The following HEPACAM variants were observed in gnomAD, a reference collection of about 807,000 sequenced individuals.
The protein encoded by HEPACAM is hepatic and glial cell adhesion molecule, also known as hepatocyte cell adhesion molecule.
In HEPACAM, 18 loss-of-function variants were observed where a neutral mutation model predicts 38.3. The observed-to-expected ratio is 0.47, with a 90% CI of 0.33 to 0.70. HEPACAM has a LOEUF of 0.70. HEPACAM is among the 30% of genes least tolerant of loss of function. HEPACAM has a pLI of 0.03. For missense variants in HEPACAM, 466 were observed against 563.0 expected (o/e 0.83, Z 1.74); for synonymous variants, 216 against 243.1 (o/e 0.89, Z 1.04).
intron 1 of HEPACAM, among the ~76,000 whole-genome samples, chr11:124,935,176 G>A (rs866979054): frequency 5.3e-4 from 81 of 152,228 alleles, no homozygotes; most frequent in African/African-American, 1.6e-3. Flanking sequence ...CTTCCTGGAT[G>A]GGGTAGGTGA....
rs991362451 is a variant in HEPACAM, at chr11:124,920,934, C to G, written c.*204G>C. 1.5e-6 allele frequency: 2 copies of G among 1,352,926 alleles called. No homozygotes were observed. The highest frequency in any genetic ancestry group is 1.8e-5 in the South Asian group (1 of 55,614). The allele number at this position is 1,352,926 out of a possible 1,614,324, so 83.8% of individuals were successfully genotyped here. A position where few individuals can be genotyped will look rare whatever the true frequency, so the allele number is the denominator to read the frequency against. ...GCCAGTAAACCGGAAGCAAATGCGACCCGGTTTCACCATATCAACACTGCC... is the reference window on the plus strand; with the variant it reads ...GCCAGTAAACCGGAAGCAAATGCGAGCCGGTTTCACCATATCAACACTGCC... On this transcript the variant is annotated 3_prime_UTR_variant, in exon 7 of 7. Transcript: ENST00000298251.
Position 124,921,252 on chromosome 11 carries a change from G to C in HEPACAM, c.1137C>G (p.Pro379=). The C allele has an allele frequency of 2.1e-6, 3 of 1,433,830 alleles. No homozygotes were observed. The highest frequency in any genetic ancestry group is 2.7e-6 in the Non-Finnish European group (3 of 1,098,842). 88.8% of individuals were successfully genotyped at this position (1,433,830 alleles called of 1,614,324 possible). A position where few individuals can be genotyped will look rare whatever the true frequency, so the allele number is the denominator to read the frequency against. ...PATGRTHSSP[P]RAPSSPGRSR... The stretch of plus-strand genomic sequence containing the variant: ...AGCGGCCGGGCGAGCTCGGGGCCCT[G>C]GGCGGCGACGAGTGTGTCCGGCCGG... The change falls in exon 7 of 7, where the codon CCC becomes CCG. Residue 379 remains proline, a synonymous_variant. Coordinates refer to ENST00000298251, the MANE Select transcript of HEPACAM (RefSeq NM_152722.5). The surrounding 1 kb of genome is among the most constrained non-coding windows in gnomAD (Gnocchi z 4.6).
Position 124,920,159 on chromosome 11 carries a change from C to A in HEPACAM, c.*979G>T. 1 of 1,018,156 alleles carries A rather than the reference C, an allele frequency of 9.8e-7. No homozygotes were observed. The highest frequency in any genetic ancestry group is 1.4e-6 in the Non-Finnish European group (1 of 691,176). The allele number at this position is 1,018,156 out of a possible 1,614,324, so 63.1% of individuals were successfully genotyped here. ...GCCTCCTCCTCCCCCCACCATTTCT[C>A]TGGAGATTAGGACTTATTCTCACAG... is the stretch of plus-strand genomic sequence containing the variant. On this transcript the variant is annotated 3_prime_UTR_variant, in exon 7 of 7. Transcript: ENST00000298251.
intron 1 of HEPACAM, among the ~76,000 whole-genome samples, chr11:124,934,929 C>T (rs1440636681): frequency 6.6e-6 from 1 of 152,168 alleles, no homozygotes; most frequent in African/African-American, 2.4e-5. Context: ...TCTTGCCTCA[C>T]TCAATTCATG....
In HEPACAM at chr11:124,924,712, T is replaced by C; in HGVS notation, c.427+16A>G. On this transcript the variant is annotated intron_variant, in intron 2 of 6. Transcript: ENST00000298251. This position sits in a 1 kb window ranked among gnomAD's most constrained non-coding sequence, Gnocchi z 4.4. ...CACCTGCCAGTCTTGCCTCTTTCCCTGCCAGAGCGCTTTACCATCTACAGT... is the reference window on the plus strand; with the variant it reads ...CACCTGCCAGTCTTGCCTCTTTCCCCGCCAGAGCGCTTTACCATCTACAGT... 6.2e-7 allele frequency: 1 copy of C among 1,609,132 alleles called. No individual in the cohort carries two copies. Among genetic ancestry groups the C allele is most frequent in the Non-Finnish European group, 8.5e-7 (1 of 1,175,496 alleles).
Position 124,924,655 on chromosome 11 carries a change from G to C in HEPACAM, c.427+73C>G. 2 of 1,380,802 alleles carry C rather than the reference G, an allele frequency of 1.4e-6. No homozygotes were observed. The highest frequency in any genetic ancestry group is 2.1e-6 in the Non-Finnish European group (2 of 969,802). 85.5% of individuals were successfully genotyped at this position (1,380,802 alleles called of 1,614,324 possible). A position where few individuals can be genotyped will look rare whatever the true frequency, so the allele number is the denominator to read the frequency against. ...TTTGGGTTGGTTTTCCCTCAGTCTAGCTGGTGCGCTGGGCAGACCTTTCCC... is the reference window on the plus strand; with the variant it reads ...TTTGGGTTGGTTTTCCCTCAGTCTACCTGGTGCGCTGGGCAGACCTTTCCC... On this transcript the variant is annotated intron_variant, in intron 2 of 6. Transcript: ENST00000298251. The surrounding 1 kb of genome is among the most constrained non-coding windows in gnomAD (Gnocchi z 4.4).
rs747711285 is a variant in HEPACAM at position 124,936,017 on chromosome 11, G to A, written c.-11C>T. On this transcript the variant is annotated 5_prime_UTR_variant, in exon 1 of 7. It adds an upstream start codon to the 5' untranslated region. Coordinates refer to ENST00000298251, the MANE Select transcript of HEPACAM (RefSeq NM_152722.5). ...CCTTTCTCTCTTCATTTTGGGTGGC[G>A]TTCTCCAGCTCTAGTGCAGACAATT... 1.7e-5 allele frequency: 28 copies of A among 1,612,270 alleles called. No homozygotes were observed. Among genetic ancestry groups the A allele is most frequent in the East Asian group, 6.7e-5 (3 of 44,870 alleles).
At position 124,924,085 on chromosome 11, in the gene HEPACAM, C is replaced by T; in HGVS notation, c.428-75G>A. On this transcript the variant is annotated intron_variant, in intron 2 of 6. Transcript: ENST00000298251. This position sits in a 1 kb window ranked among gnomAD's most constrained non-coding sequence, Gnocchi z 4.4. ...TCCCTTCCCCTTTTTAGCTCCCTGC[C>T]TTCCAACACACCTTTAACACTACCT... is the stretch of plus-strand genomic sequence containing the variant. 1 of 1,396,740 alleles carries T rather than the reference C, an allele frequency of 7.2e-7. No homozygotes were observed. Among genetic ancestry groups the T allele is most frequent in the Non-Finnish European group, 9.8e-7 (1 of 1,018,718 alleles). 86.5% of individuals were successfully genotyped at this position (1,396,740 alleles called of 1,614,324 possible). A position where few individuals can be genotyped will look rare whatever the true frequency, so the allele number is the denominator to read the frequency against.
chr11:124,927,523 G>GTTTTTTTTTTTTTTTTTT (rs1019070666), intron 1 of HEPACAM, among the ~76,000 whole-genome samples: 2 of 97,584 alleles, frequency 2.0e-5, no homozygotes, highest in Admixed American at 1.2e-4. Flanking sequence ...TTTTTTTTTT[G>GTTTTTTTTTTTTTTTTTT]TTTTTTTTTT....
rs139761571 is a variant in HEPACAM at position 124,932,459 on chromosome 11, G to A, written c.85+3463C>T. Among the ~76,000 whole-genome samples the A allele has an allele frequency of 8.0e-3, 1,214 of 152,226 alleles. 12 individuals are homozygous for A. Among genetic ancestry groups the A allele is most frequent in the Middle Eastern group, 0.02 (6 of 294 alleles). On this transcript the variant is annotated intron_variant, in intron 1 of 6. Transcript: ENST00000298251. ...TTTTATTTGAATGTTTCATAAATTG[G>A]AATTTAAAAATTGGGAAATAAAAAT...
rs115814609 is a variant in HEPACAM, at chr11:124,929,140, C to G, written c.86-4071G>C. Among the ~76,000 whole-genome samples, 243 of 152,316 alleles carry G rather than the reference C, an allele frequency of 1.6e-3. 1 individual carries two copies. Among genetic ancestry groups the G allele is most frequent in the African/African-American group, 5.6e-3 (233 of 41,558 alleles). Reference sequence around the variant, plus strand: ...TCCCTGGCTTCCATGCTCTCCTATCCCATCCAAAGTCCTAGTAGCCTTTTT... The same window carrying G: ...TCCCTGGCTTCCATGCTCTCCTATCGCATCCAAAGTCCTAGTAGCCTTTTT... On this transcript the variant is annotated intron_variant, in intron 1 of 6. Transcript: ENST00000298251.
rs1461609310 is a variant in HEPACAM at position 124,935,898 on chromosome 11, CT to C, written c.85+23del. ...AAGCCCCGGGTCCTTTCTTCAGACC[CT>C]TTCTTACCCTCTGGCCTCCTACCTG... On this transcript the variant is annotated intron_variant, in intron 1 of 6. Transcript: ENST00000298251. 3 of 1,609,678 alleles carry C rather than the reference CT, an allele frequency of 1.9e-6. No individual in the cohort carries two copies. In the Admixed American group the frequency reaches 5.0e-5, roughly 27 times the overall value.
Position 124,924,938 on chromosome 11 carries a change from G to A in HEPACAM, c.217C>T (p.Arg73Trp), listed in dbSNP as rs768471108. Reference protein sequence around the residue: ...DRPVVKWQLKRDKPVTVVQSI... With the variant: ...DRPVVKWQLKWDKPVTVVQSI... ...TGCACCACGGTCACTGGCTTGTCCCGCTTCAGCTGCCACTTCACTACAGGC... is the reference window on the plus strand; with the variant it reads ...TGCACCACGGTCACTGGCTTGTCCCACTTCAGCTGCCACTTCACTACAGGC... Residue 73 changes from arginine to tryptophan, a missense_variant, in exon 2 of 7, where the codon CGG (arginine) becomes TGG (tryptophan). Physicochemically the swap from Arg to Trp is moderately radical, Grantham distance 101. Transcript: ENST00000298251. This position sits in a 1 kb window ranked among gnomAD's most constrained non-coding sequence, Gnocchi z 4.4. 24 of 1,613,758 alleles carry A rather than the reference G, an allele frequency of 1.5e-5. No homozygotes were observed. Among genetic ancestry groups the A allele is most frequent in the South Asian group, 3.3e-5 (3 of 91,082 alleles).
chr11:124,922,170 A>C (rs1453040792), intron 6 of HEPACAM, among the ~76,000 whole-genome samples: 1 of 152,188 alleles, frequency 6.6e-6, no homozygotes, highest in Non-Finnish European at 1.5e-5. Context: ...TCTTTAAGAG[A>C]ATCCAATGCC....
chr11:124,934,166 G>A (rs1565342745), intron 1 of HEPACAM, among the ~76,000 whole-genome samples: 1 of 151,892 alleles, frequency 6.6e-6, no homozygotes, highest in African/African-American at 2.4e-5. Flanking sequence ...TTTGTTTAAG[G>A]TTTCACACAG....
chr11:124,921,058 G>C lies in HEPACAM; in HGVS notation c.*80C>G, dbSNP rs988063336. 1 of 1,466,256 alleles carries C rather than the reference G, an allele frequency of 6.8e-7. No homozygotes were observed. The highest frequency in any genetic ancestry group is 1.5e-5 in the African/African-American group (1 of 68,388). 90.8% of individuals were successfully genotyped at this position (1,466,256 alleles called of 1,614,324 possible). On this transcript the variant is annotated 3_prime_UTR_variant, in exon 7 of 7. Coordinates refer to ENST00000298251, the MANE Select transcript of HEPACAM (RefSeq NM_152722.5). The surrounding 1 kb of genome is among the most constrained non-coding windows in gnomAD (Gnocchi z 4.6). ...CCTCCCCTCGTCCCCAGCGCGCCGCGCCCGGGCTTCCCAGCCCCAGCTTTC... is the reference window on the plus strand; with the variant it reads ...CCTCCCCTCGTCCCCAGCGCGCCGCCCCCGGGCTTCCCAGCCCCAGCTTTC...
chr11:124,931,117 A>G (rs1947276668), intron 1 of HEPACAM, among the ~76,000 whole-genome samples: 1 of 152,242 alleles, frequency 6.6e-6, no homozygotes, highest in African/African-American at 2.4e-5. Context: ...TGCAAAATAT[A>G]TTATTTAAAC....
chr11:124,920,421 T>C lies in HEPACAM; in HGVS notation c.*717A>G. 6.5e-7 allele frequency: 1 copy of C among 1,547,726 alleles called. No homozygotes were observed. Among genetic ancestry groups the C allele is most frequent in the Non-Finnish European group, 8.7e-7 (1 of 1,145,952 alleles). On this transcript the variant is annotated 3_prime_UTR_variant, in exon 7 of 7. Transcript: ENST00000298251. ...GGCATGGCATGCCTCCGAGGGAGGC[T>C]GTGGGAGGAGGCCAAGCTGGCAGGC...
chr11:124,925,207 C>T, intron 1 of HEPACAM, 138 bp from the exon 2 acceptor site: 1 of 657,314 alleles, frequency 1.5e-6, no homozygotes, highest in Non-Finnish European at 2.5e-6. Flanking sequence ...GCTTCTTAAG[C>T]CTGGGTGCTA....
Sources: gnomAD v4.1 joint callset for allele counts (sites outside exome capture counted in the v4.1 genomes callset) on GRCh38, gnomAD v4.1.1 for gene constraint, Gnocchi (gnomAD v3.1) non-coding constraint, MANE v1.5 for transcripts, NCBI Gene and HGNC (gene_info 2026-07-23, HGNC 2026-07-21) for gene names.